ENOX1: variants seen among roughly 807,000 people sequenced by gnomAD.
ENOX1 encodes the protein ecto-NOX disulfide-thiol exchanger 1, also known as candidate growth-related and time keeping constitutive hydroquinone (NADH) oxidase.
Under a neutral mutation model 82.5 loss-of-function variants are expected in ENOX1, and 42 were observed. The observed-to-expected ratio is 0.51, with a 90% confidence interval of 0.40 to 0.66. The LOEUF (loss-of-function observed/expected upper bound fraction) is 0.66. ENOX1 is among the 30% of genes least tolerant of loss of function. The pLI is 0.00. For synonymous variants in ENOX1, 271 were observed against 282.2 expected, an observed-to-expected ratio of 0.96 and a Z score of 0.40; for missense variants, 608 against 811.6, an observed-to-expected ratio of 0.75 and a Z score of 3.05.
intron 3 of ENOX1, among the ~76,000 whole-genome samples, chr13:43,483,459 TAC>T (rs1002338499): frequency 7.3e-5 from 11 of 150,696 alleles, no homozygotes; most frequent in Non-Finnish European, 8.9e-5. Context: ...TTAATACACA[TAC>T]ACACACACAC....
At chr13:43,424,477 G>C (rs1292993553) in intron 3 of ENOX1, among the ~76,000 whole-genome samples, 1 of 152,170 alleles carries the variant, frequency 6.6e-6, no homozygotes, top group Non-Finnish European at 1.5e-5. Context: ...ACCCAGATCA[G>C]ACCAAGACCA....
chr13:43,754,738 C>G (rs2153832759), intron 1 of ENOX1, among the ~76,000 whole-genome samples: 1 of 152,058 alleles, frequency 6.6e-6, no homozygotes, highest in East Asian at 1.9e-4. Flanking sequence ...GTGCATGCCA[C>G]CACACCCAGC....
At chr13:43,514,513 G>C (rs1176339995) in intron 2 of ENOX1, among the ~76,000 whole-genome samples, 1 of 151,992 alleles carries the variant, frequency 6.6e-6, no homozygotes, top group African/African-American at 2.4e-5. Context: ...ATCTTAAACA[G>C]CTGGAAGGGA....
intron 13 of ENOX1, among the ~76,000 whole-genome samples, chr13:43,268,108 T>C (rs1366936394): frequency 6.6e-6 from 1 of 152,096 alleles, no homozygotes; most frequent in Non-Finnish European, 1.5e-5. Flanking sequence ...AAATAAAGGA[T>C]TTGAGTCATT....
At chr13:43,725,608 G>A (rs1178702179) in intron 1 of ENOX1, among the ~76,000 whole-genome samples, 2 of 152,058 alleles carry the variant, frequency 1.3e-5, no homozygotes, top group Non-Finnish European at 2.9e-5. Context: ...CAAGAAAAGT[G>A]ACTGCTACTC....
At chr13:43,688,092 G>A (rs2086167892) in intron 1 of ENOX1, among the ~76,000 whole-genome samples, 2 of 152,138 alleles carry the variant, frequency 1.3e-5, no homozygotes, top group Non-Finnish European at 2.9e-5. Context: ...GCAATGGGAA[G>A]CCTTTGGAGG....
intron 2 of ENOX1, among the ~76,000 whole-genome samples, chr13:43,560,108 A>AT (rs2079605554): frequency 6.6e-6 from 1 of 152,106 alleles, no homozygotes; most frequent in African/African-American, 2.4e-5. Context: ...ATATGGAAAC[A>AT]TTTGCTATTT....
chr13:43,529,049 A>G (rs2078099470), intron 2 of ENOX1, among the ~76,000 whole-genome samples: 1 of 151,964 alleles, frequency 6.6e-6, no homozygotes, highest in Non-Finnish European at 1.5e-5. Context: ...AATATTTTAC[A>G]TGTATTAGGT....
Position 43,484,172 on chromosome 13 carries a change from CACCGTTAGGATATGTCTAAAGT to C in ENOX1, c.-218-42_-218-21del. On this transcript the variant is annotated intron_variant, in intron 2 of 16. Coordinates refer to ENST00000690772, the MANE Select transcript of ENOX1 (RefSeq NM_001347969.2). ...AGGCTTCTGGAAGCAAAGAAAAGCA[CACCGTTAGGATATGTCTAAAGT>C]ACCATTACTGCCTGTAATGGTATTA... 1 of 985,072 alleles carries C rather than the reference CACCGTTAGGATATGTCTAAAGT, an allele frequency of 1.0e-6. No individual in the cohort carries two copies. Among genetic ancestry groups the C allele is most frequent in the Non-Finnish European group, 1.2e-6 (1 of 829,528 alleles). The allele number at this position is 985,072 out of a possible 1,614,324, so 61.0% of individuals were successfully genotyped here. A position where few individuals can be genotyped will look rare whatever the true frequency, so the allele number is the denominator to read the frequency against.
Position 43,674,543 on chromosome 13 carries a change from G to A in ENOX1, c.-284-6999C>T, listed in dbSNP as rs541652396. ...ATTGAGGGAAAACTCAAACTATGGA[G>A]ACAGTGAAAATATCCATGGCTGCCA... is the stretch of plus-strand genomic sequence containing the variant. On this transcript the variant is annotated intron_variant, in intron 1 of 16. Coordinates refer to ENST00000690772, the MANE Select transcript of ENOX1 (RefSeq NM_001347969.2). Among the ~76,000 whole-genome samples, 13 of 152,186 alleles carry A rather than the reference G, an allele frequency of 8.5e-5. No homozygotes were observed. In the East Asian group the frequency reaches 2.3e-3, roughly 27 times the overall value.
At chr13:43,222,092 C>T (rs1209644748) in intron 16 of ENOX1, among the ~76,000 whole-genome samples, 4 of 152,104 alleles carry the variant, frequency 2.6e-5, no homozygotes, top group Admixed American at 6.5e-5. Context: ...CGTGTGTTTC[C>T]TCTGTGAGGG....
At chr13:43,434,775 T>C (rs549888479) in intron 3 of ENOX1, among the ~76,000 whole-genome samples, 97 of 152,250 alleles carry the variant, frequency 6.4e-4, no homozygotes, top group African/African-American at 2.3e-3. Flanking sequence ...ATGAGTACTT[T>C]ATTGAACTGT....
chr13:43,602,273 G>A (rs1398563529), intron 2 of ENOX1, among the ~76,000 whole-genome samples: 1 of 151,674 alleles, frequency 6.6e-6, no homozygotes, highest in African/African-American at 2.4e-5. Flanking sequence ...TACTATATGA[G>A]GATATTTTAT....
chr13:43,498,284 T>C (rs2076861924), intron 2 of ENOX1, among the ~76,000 whole-genome samples: 1 of 152,136 alleles, frequency 6.6e-6, no homozygotes, highest in Admixed American at 6.6e-5. Context: ...TCTGTTAACA[T>C]TTTATATGTG....
chr13:43,309,055 G>C (rs539362517), intron 11 of ENOX1, among the ~76,000 whole-genome samples: 1 of 135,746 alleles, frequency 7.4e-6, no homozygotes, highest in Non-Finnish European at 1.5e-5. Flanking sequence ...CCAGAGTCTC[G>C]CTGTCACCCA....
In ENOX1 at chr13:43,225,049, A is replaced by C. The variant is rs547718574; in HGVS notation, c.1715-911T>G. Among the ~76,000 whole-genome samples the C allele has an allele frequency of 2.6e-5, 4 of 152,352 alleles. No individual in the cohort carries two copies. The South Asian group carries it at 8.3e-4, about 32-fold the overall frequency. On this transcript the variant is annotated intron_variant, in intron 15 of 16. Coordinates refer to ENST00000690772, the MANE Select transcript of ENOX1 (RefSeq NM_001347969.2). ...GTGCCCATCAGTGGTGGATTGCATA[A>C]AGAAAACGTGGTATGAACCATGGAA... is the stretch of plus-strand genomic sequence containing the variant.
intron 5 of ENOX1, among the ~76,000 whole-genome samples, chr13:43,380,070 T>C (rs2051924690): frequency 6.6e-6 from 1 of 151,812 alleles, no homozygotes; most frequent in Non-Finnish European, 1.5e-5. Flanking sequence ...CCAGTAAAAA[T>C]ACCTTTCAAA....
intron 14 of ENOX1, among the ~76,000 whole-genome samples, chr13:43,260,257 T>C (rs1199363343): frequency 6.6e-6 from 1 of 152,222 alleles, no homozygotes; most frequent in Non-Finnish European, 1.5e-5. Context: ...GGAGGTGACG[T>C]GAAAAACTGA....
chr13:43,361,724 C>T (rs1350569471), intron 5 of ENOX1, among the ~76,000 whole-genome samples: 2 of 152,080 alleles, frequency 1.3e-5, no homozygotes, highest in Non-Finnish European at 2.9e-5. Flanking sequence ...AAAGCATGCA[C>T]CATGAAGCTT....
Sources: allele counts gnomAD v4.1 joint callset (sites outside exome capture counted in the v4.1 genomes callset), GRCh38; gene constraint gnomAD v4.1.1; transcripts MANE v1.5; gene names NCBI Gene and HGNC (gene_info 2026-07-23, HGNC 2026-07-21).